Variants in COMMD10 observed in about 807,000 individuals in gnomAD.
COMMD10 encodes the protein COMM domain containing 10, also known as COMM domain-containing protein 10.
COMMD10 carries 33 observed loss-of-function variants against 28.9 expected under a neutral mutation model. The observed-to-expected ratio is 1.14, with a 90% CI of 0.87 to 1.53. COMMD10 has a LOEUF of 1.53. Among genes scored for constraint, COMMD10 ranks in the 40% most tolerant of loss-of-function variants. The pLI, the probability that COMMD10 is intolerant of heterozygous loss-of-function variation, is 0.00. For missense variants in COMMD10, 310 were observed against 233.4 expected, an observed-to-expected ratio of 1.33 and a Z score of -2.14; for synonymous variants, 110 against 81.7, an observed-to-expected ratio of 1.35 and a Z score of -1.87.
At chr5:116,185,071 G>C (rs1748093854) in intron 5 of COMMD10, among the ~76,000 whole-genome samples, 1 of 152,114 alleles carries the variant, frequency 6.6e-6, no homozygotes, top group Non-Finnish European at 1.5e-5. Context: ...TCTTCCCAAA[G>C]ATGAACAAGT....
At chr5:116,129,277 G>C (rs1459109944) in intron 4 of COMMD10, among the ~76,000 whole-genome samples, 1 of 149,682 alleles carries the variant, frequency 6.7e-6, no homozygotes, top group Admixed American at 6.7e-5. Context: ...TGTAAAATGG[G>C]GGTAATAAGC....
intron 5 of COMMD10, among the ~76,000 whole-genome samples, chr5:116,206,421 TGGGCAGATCACCTGAGGTCA>T (rs776167782): frequency 2.0e-5 from 3 of 152,000 alleles, no homozygotes; most frequent in Non-Finnish European, 4.4e-5. Flanking sequence ...GAGGCCAAGG[TGGGCAGATCACCTGAGGTCA>T]GGAGTTCAAG....
chr5:116,097,380 T>C (rs984169575), intron 4 of COMMD10, among the ~76,000 whole-genome samples: 15 of 152,218 alleles, frequency 9.9e-5, no homozygotes, highest in Admixed American at 2.6e-4. Flanking sequence ...AACCCATTAA[T>C]AGTTCTAGTT....
chr5:116,194,771 C>T (rs1383685088), intron 5 of COMMD10, among the ~76,000 whole-genome samples: 1 of 152,050 alleles, frequency 6.6e-6, no homozygotes, highest in African/African-American at 2.4e-5. Context: ...CCTTTTGATA[C>T]TATTCCACAA....
chr5:116,269,591 T>C (rs1472214080), intron 5 of COMMD10, among the ~76,000 whole-genome samples: 2 of 151,930 alleles, frequency 1.3e-5, no homozygotes, highest in Non-Finnish European at 2.9e-5. Context: ...ATTTATAAAA[T>C]TATATGTTTT....
intron 5 of COMMD10, among the ~76,000 whole-genome samples, chr5:116,260,183 A>C (rs1750404796): frequency 6.6e-6 from 1 of 151,876 alleles, no homozygotes; most frequent in Non-Finnish European, 1.5e-5. Context: ...AAGAGAACTA[A>C]GAGATGATGA....
At chr5:116,280,129 G>T (rs1007829292) in intron 5 of COMMD10, among the ~76,000 whole-genome samples, 2 of 151,806 alleles carry the variant, frequency 1.3e-5, no homozygotes, top group Non-Finnish European at 2.9e-5. Context: ...TAAATAAGAG[G>T]ATTGGGCAAG....
At chr5:116,180,465 T>C (rs994694614) in intron 5 of COMMD10, among the ~76,000 whole-genome samples, 1 of 152,142 alleles carries the variant, frequency 6.6e-6, no homozygotes, top group African/African-American at 2.4e-5. Context: ...ATTTTTTTCC[T>C]GTATTAGTGT....
chr5:116,286,491 C>T (rs1430796582), intron 5 of COMMD10, among the ~76,000 whole-genome samples: 1 of 150,894 alleles, frequency 6.6e-6, no homozygotes, highest in Non-Finnish European at 1.5e-5. Flanking sequence ...ACATTATACA[C>T]TTAACAGCTA....
intron 5 of COMMD10, among the ~76,000 whole-genome samples, chr5:116,276,832 G>T (rs1750930174): frequency 6.6e-6 from 1 of 151,728 alleles, no homozygotes; most frequent in Admixed American, 6.6e-5. Context: ...GAACAAAGTA[G>T]ATTGCTGGTT....
intron 5 of COMMD10, among the ~76,000 whole-genome samples, chr5:116,262,520 A>T (rs1189978819): frequency 6.6e-6 from 1 of 151,786 alleles, no homozygotes; most frequent in Admixed American, 6.6e-5. Flanking sequence ...CCATTAAAAT[A>T]TGATTTTCTT....
chr5:116,146,489 T>A (rs1284632978), intron 5 of COMMD10, among the ~76,000 whole-genome samples: 1 of 151,924 alleles, frequency 6.6e-6, no homozygotes, highest in Non-Finnish European at 1.5e-5. Context: ...ATTGTAAATT[T>A]TACTTCAAGA....
At chr5:116,141,975 T>A (rs1752210150) in intron 5 of COMMD10, among the ~76,000 whole-genome samples, 1 of 151,864 alleles carries the variant, frequency 6.6e-6, no homozygotes, top group African/African-American at 2.4e-5. Context: ...CTGCCTTTTT[T>A]TAAAAATCAT....
intron 5 of COMMD10, among the ~76,000 whole-genome samples, chr5:116,140,218 G>GACTC (rs1157525641): frequency 1.9e-5 from 2 of 102,710 alleles, no homozygotes; most frequent in African/African-American, 1.1e-4. Flanking sequence ...TTTCAAGGCT[G>GACTC]ACTCATACTA....
intron 5 of COMMD10, among the ~76,000 whole-genome samples, chr5:116,265,140 A>G (rs1750552538): frequency 6.6e-6 from 1 of 151,814 alleles, no homozygotes; most frequent in Non-Finnish European, 1.5e-5. Flanking sequence ...GAGACATTAC[A>G]TCTAAAGAGA....
At chr5:116,220,736 A>C (rs1430788258) in intron 5 of COMMD10, among the ~76,000 whole-genome samples, 1 of 152,198 alleles carries the variant, frequency 6.6e-6, no homozygotes, top group East Asian at 1.9e-4. Flanking sequence ...ACCTGTAGTT[A>C]ATGCTTTCAA....
intron 5 of COMMD10, among the ~76,000 whole-genome samples, chr5:116,226,323 A>G (rs1484751902): frequency 2.0e-5 from 3 of 152,178 alleles, no homozygotes; most frequent in South Asian, 2.1e-4. Context: ...AAGGGCTTCT[A>G]AACATTCAAT....
intron 5 of COMMD10, among the ~76,000 whole-genome samples, chr5:116,256,938 A>G (rs1287464536): frequency 6.6e-6 from 1 of 151,742 alleles, no homozygotes. Context: ...AGACTTACTC[A>G]CACATATGTA....
At chr5:116,108,512 A>T (rs1315139435) in intron 4 of COMMD10, among the ~76,000 whole-genome samples, 2 of 152,202 alleles carry the variant, frequency 1.3e-5, no homozygotes, top group Admixed American at 6.5e-5. Context: ...CGCCTACTCA[A>T]GCCTCAGCAA....
Sources: allele counts gnomAD v4.1 joint callset (sites outside exome capture counted in the v4.1 genomes callset), GRCh38; gene constraint gnomAD v4.1.1; transcripts MANE v1.5; gene names NCBI Gene and HGNC (gene_info 2026-07-23, HGNC 2026-07-21).